The following ACSM6 variants were observed in gnomAD, a reference collection of about 807,000 sequenced individuals.
ACSM6 encodes acyl-coenzyme A synthetase ACSM6, mitochondrial.
ACSM6 carries 35 observed loss-of-function variants against 51.1 expected under a neutral mutation model. The observed-to-expected ratio is 0.69, with a 90% CI of 0.52 to 0.91. The LOEUF is 0.91. ACSM6 is among the 40% of genes least tolerant of loss of function. The probability of loss-of-function intolerance (pLI) is 0.00; values close to 1 mark genes in which losing one functional copy is unlikely to be tolerated. For missense variants in ACSM6, 509 were observed against 584.1 expected (o/e 0.87, Z 1.32); for synonymous variants, 172 against 207.3 (o/e 0.83, Z 1.46).
chr10:95,224,317 T>C (rs1376762175), intron 9 of ACSM6, among the ~76,000 whole-genome samples: 1 of 152,236 alleles, frequency 6.6e-6, no homozygotes, highest in African/African-American at 2.4e-5. Context: ...GCCCTCAAAA[T>C]TGAGCTAGCA....
chr10:95,217,343 T>C (rs182188045), intron 8 of ACSM6, among the ~76,000 whole-genome samples: 6 of 109,044 alleles, frequency 5.5e-5, no homozygotes, highest in African/African-American at 2.0e-4. Context: ...TGAGACTCCA[T>C]CTCAAAAAAA....
intron 4 of ACSM6, among the ~76,000 whole-genome samples, chr10:95,210,114 T>A (rs1564588848): frequency 6.6e-6 from 1 of 152,256 alleles, no homozygotes. Context: ...TTTTCATTAT[T>A]TAAAAACATT....
At chr10:95,225,648 C>G (rs1723713998) in intron 10 of ACSM6, 1 of 324,328 alleles carries the variant, frequency 3.1e-6, no homozygotes, top group Non-Finnish European at 5.6e-6. Context: ...ACACTTTGTC[C>G]TTAAATATTT....
In ACSM6 at chr10:95,197,247, G is replaced by A. The variant is rs143248907; in HGVS notation, c.192+2570G>A. On this transcript the variant is annotated intron_variant, in intron 2 of 10. Coordinates refer to ENST00000341686, the Ensembl canonical transcript of ACSM6. ...GTGGGTATTTCTAGTCGGGTGGGAC[G>A]AGAGACTGAGAAAAGAATTAAGACA... Among the ~76,000 whole-genome samples, 632 of 152,292 alleles carry A rather than the reference G, an allele frequency of 4.1e-3. 5 individuals carry two copies. The highest frequency in any genetic ancestry group is 0.014 in the African/African-American group (571 of 41,560).
intron 9 of ACSM6, among the ~76,000 whole-genome samples, chr10:95,222,298 C>T (rs1413392115): frequency 6.6e-6 from 1 of 151,956 alleles, no homozygotes; most frequent in Non-Finnish European, 1.5e-5. Context: ...TGTTTCTATA[C>T]ACTACAATAA....
Position 95,194,316 on chromosome 10 carries a change from G to C in ACSM6, c.-22+13G>C, listed in dbSNP as rs562723715. 1.0e-4 allele frequency: 63 copies of C among 622,300 alleles called. 1 individual carries two copies. Among genetic ancestry groups the C allele is most frequent in the African/African-American group, 9.9e-4 (54 of 54,536 alleles). The allele number at this position is 622,300 out of a possible 1,614,324, so 38.5% of individuals were successfully genotyped here. On this transcript the variant is annotated intron_variant, in intron 1 of 10. Transcript: ENST00000341686. ...CCTCTTGGAATTGGTAAGTATCTGT[G>C]CTCATGGGCTTCTTCTCCAATGATC...
chr10:95,200,494 GAAGAA>G (rs936620179), intron 2 of ACSM6, among the ~76,000 whole-genome samples: 1 of 150,646 alleles, frequency 6.6e-6, no homozygotes, highest in Non-Finnish European at 1.5e-5. Flanking sequence ...ACTTGAAGAA[GAAGAA>G]AAGAAGAAGA....
intron 9 of ACSM6, 27 bp from the exon 10 acceptor site, chr10:95,225,263 A>C: frequency 6.7e-7 from 1 of 1,485,182 alleles, no homozygotes; most frequent in South Asian, 1.2e-5. Flanking sequence ...TGTAAGGAAA[A>C]TTCCTTTAGT....
intron 3 of ACSM6, among the ~76,000 whole-genome samples, chr10:95,204,991 GC>G: frequency 6.6e-6 from 1 of 152,144 alleles, no homozygotes; most frequent in African/African-American, 2.4e-5. Context: ...CATCTGATGT[GC>G]CCTTTTGGTG....
intron 3 of ACSM6, among the ~76,000 whole-genome samples, chr10:95,205,266 T>C (rs964115270): frequency 6.6e-6 from 1 of 152,110 alleles, no homozygotes; most frequent in South Asian, 2.1e-4. Flanking sequence ...ACTGCCTTAG[T>C]CTGCTTGGGT....
chr10:95,227,862 G>C (rs2035055086), intron 10 of ACSM6, among the ~76,000 whole-genome samples: 1 of 152,206 alleles, frequency 6.6e-6, no homozygotes, highest in South Asian at 2.1e-4. Flanking sequence ...GAGGTCAGGA[G>C]TTTGAGAGCA....
intron 3 of ACSM6, among the ~76,000 whole-genome samples, chr10:95,206,917 C>T (rs1371021886): frequency 6.6e-6 from 1 of 152,142 alleles, no homozygotes; most frequent in Non-Finnish European, 1.5e-5. Flanking sequence ...CAAAATTAGG[C>T]TATATTTCAA....
exon 4 of ACSM6, chr10:95,207,234 C>G: frequency 6.2e-7 from 1 of 1,614,090 alleles, no homozygotes; most frequent in South Asian, 1.1e-5. Context: ...TGGGAGCCCC[C>G]AGCTGACTGC....
chr10:95,223,202 G>C (rs1013307558), intron 9 of ACSM6, among the ~76,000 whole-genome samples: 1 of 147,818 alleles, frequency 6.8e-6, no homozygotes, highest in Non-Finnish European at 1.5e-5. Flanking sequence ...TTCCCACAAA[G>C]AAAAACAGGC....
At chr10:95,207,365 G>A in exon 4 of ACSM6, 1 of 1,614,076 alleles carries the variant, frequency 6.2e-7, no homozygotes. Flanking sequence ...CCAAGCTCCT[G>A]GTGTCAGATA....
exon 11 of ACSM6, chr10:95,228,902 A>C (rs1347610881): frequency 1.8e-6 from 2 of 1,104,984 alleles, no homozygotes; most frequent in Non-Finnish European, 2.4e-6. Context: ...AACCAAAAAT[A>C]AAAAAATAAA....
At chr10:95,219,366 A>AT (rs200021484) in intron 8 of ACSM6, among the ~76,000 whole-genome samples, 5 of 150,298 alleles carry the variant, frequency 3.3e-5, no homozygotes, top group South Asian at 2.1e-4. Context: ...GCTTTAGTAT[A>AT]TTTAAAAAAA....
intron 8 of ACSM6, among the ~76,000 whole-genome samples, chr10:95,216,529 G>A (rs1191067434): frequency 6.6e-6 from 1 of 152,156 alleles, no homozygotes; most frequent in Non-Finnish European, 1.5e-5. Flanking sequence ...AATGGATAAG[G>A]AATGACTGAG....
At chr10:95,197,025 T>C (rs538065341) in intron 2 of ACSM6, among the ~76,000 whole-genome samples, 15 of 152,228 alleles carry the variant, frequency 9.9e-5, no homozygotes, top group Non-Finnish European at 2.2e-4. Context: ...TCAAATGCAC[T>C]ACACGAGCAT....
Sources: allele counts gnomAD v4.1 joint callset (sites outside exome capture counted in the v4.1 genomes callset), GRCh38; gene constraint gnomAD v4.1.1; transcripts MANE v1.5; gene names NCBI Gene and HGNC (gene_info 2026-07-23, HGNC 2026-07-21).